Variants in CNTN4 observed in about 807,000 individuals in gnomAD.
CNTN4 encodes the protein contactin 4, also known as contactin-4.
In CNTN4, 77 loss-of-function variants were observed where a neutral mutation model predicts 122.5. The ratio of observed to expected loss-of-function variants is 0.63; its 90% CI spans 0.52 to 0.76. CNTN4 has a LOEUF of 0.76. Ranked by LOEUF, CNTN4 falls within the 30% of genes least tolerant of loss-of-function variation. The probability of loss-of-function intolerance (pLI) is 0.00; values close to 1 mark genes in which losing one functional copy is unlikely to be tolerated. For missense variants in CNTN4, 1,256 were observed against 1,259.1 expected (o/e 1.00, Z 0.04); for synonymous variants, 512 against 447.0 (o/e 1.15, Z -1.83).
At position 2,614,743 on chromosome 3, in the gene CNTN4, G is replaced by A. The variant is rs574318785; in HGVS notation, c.55+43185G>A. Reference sequence around the variant, plus strand: ...TTTGTTTTGGTCCTATTGAAATAGAGATGCCTGTCAGACATCCTTGTAGAG... The same window carrying A: ...TTTGTTTTGGTCCTATTGAAATAGAAATGCCTGTCAGACATCCTTGTAGAG... On this transcript the variant is annotated intron_variant, in intron 4 of 24. Transcript: ENST00000418658. Among the ~76,000 whole-genome samples the A allele has an allele frequency of 1.1e-4, 17 of 152,230 alleles. No individual in the cohort carries two copies. In the South Asian group the frequency reaches 3.5e-3, roughly 32 times the overall value.
chr3:2,443,485 T>A (rs190006513), intron 3 of CNTN4, among the ~76,000 whole-genome samples: 1 of 152,334 alleles, frequency 6.6e-6, no homozygotes, highest in East Asian at 1.9e-4. Flanking sequence ...GCCCTTTTAT[T>A]AGTTTCTTAG....
At chr3:2,327,944 A>C (rs1334117580) in intron 2 of CNTN4, among the ~76,000 whole-genome samples, 1 of 152,212 alleles carries the variant, frequency 6.6e-6, no homozygotes, top group African/African-American at 2.4e-5. Context: ...TCCCCACTGA[A>C]GTAGGTCATA....
At chr3:2,286,060 CAGTT>C (rs1169788547) in intron 2 of CNTN4, among the ~76,000 whole-genome samples, 2 of 152,052 alleles carry the variant, frequency 1.3e-5, no homozygotes. Flanking sequence ...CTATCATCCT[CAGTT>C]AGGTACATCC....
At chr3:2,842,805 T>A (rs1042581555) in intron 7 of CNTN4, among the ~76,000 whole-genome samples, 10 of 152,224 alleles carry the variant, frequency 6.6e-5, no homozygotes, top group Non-Finnish European at 1.3e-4. Flanking sequence ...ATAACTCTCT[T>A]GGTACCCCCT....
chr3:2,208,291 G>A (rs1051864242), intron 2 of CNTN4, among the ~76,000 whole-genome samples: 4 of 152,076 alleles, frequency 2.6e-5, no homozygotes, highest in African/African-American at 4.8e-5. Context: ...TATTCTGACC[G>A]TCGTGGATGA....
intron 2 of CNTN4, among the ~76,000 whole-genome samples, chr3:2,272,825 T>G (rs948176529): frequency 6.6e-6 from 1 of 151,882 alleles, no homozygotes; most frequent in Non-Finnish European, 1.5e-5. Context: ...TTTTTTTATT[T>G]AACCACTCTC....
In CNTN4 at chr3:2,221,585, C is replaced by T. The variant is rs893682224; in HGVS notation, c.-144-117593C>T. Among the ~76,000 whole-genome samples the T allele has an allele frequency of 3.3e-5, 5 of 151,198 alleles. No individual in the cohort carries two copies. The East Asian group carries it at 9.7e-4, about 29-fold the overall frequency. On this transcript the variant is annotated intron_variant, in intron 2 of 24. Coordinates refer to ENST00000418658, the MANE Select transcript of CNTN4 (RefSeq NM_175607.3). The stretch of plus-strand genomic sequence containing the variant: ...AATTAAAAAAAATTTCCTTCAAAGG[C>T]TGCCATTAAAGAAATAAAAGACATC...
At chr3:2,130,431 A>G (rs1216097311) in intron 2 of CNTN4, among the ~76,000 whole-genome samples, 2 of 152,230 alleles carry the variant, frequency 1.3e-5, no homozygotes, top group Non-Finnish European at 2.9e-5. Context: ...ACCTACAAGT[A>G]TAAAACCAAT....
chr3:2,363,144 C>T (rs570418567), intron 3 of CNTN4, among the ~76,000 whole-genome samples: 2 of 152,282 alleles, frequency 1.3e-5, no homozygotes, highest in East Asian at 1.9e-4. Context: ...TATCTTCATA[C>T]TGCACCTCTC....
chr3:2,353,958 A>T (rs993801159), intron 3 of CNTN4, among the ~76,000 whole-genome samples: 1 of 152,194 alleles, frequency 6.6e-6, no homozygotes, highest in Non-Finnish European at 1.5e-5. Flanking sequence ...TCACTTGATG[A>T]CAATGATGAC....
At chr3:2,249,525 G>C (rs1429235024) in intron 2 of CNTN4, among the ~76,000 whole-genome samples, 1 of 151,918 alleles carries the variant, frequency 6.6e-6, no homozygotes, top group Non-Finnish European at 1.5e-5. Context: ...AGAATGGGTA[G>C]GGTTTGGGCC....
At chr3:2,562,147 CTAA>C in intron 3 of CNTN4, among the ~76,000 whole-genome samples, 1 of 152,292 alleles carries the variant, frequency 6.6e-6, no homozygotes, top group South Asian at 2.1e-4. Flanking sequence ...GCCTGCTGTT[CTAA>C]TAATAAGGCT....
intron 13 of CNTN4, among the ~76,000 whole-genome samples, chr3:2,981,704 C>A (rs1694035260): frequency 6.6e-6 from 1 of 152,090 alleles, no homozygotes; most frequent in Non-Finnish European, 1.5e-5. Context: ...ATTTGTACCC[C>A]AAGGCCGAAT....
intron 2 of CNTN4, among the ~76,000 whole-genome samples, chr3:2,179,488 G>A (rs1038459559): frequency 2.0e-5 from 3 of 151,948 alleles, no homozygotes; most frequent in Admixed American, 2.0e-4. Flanking sequence ...CGCTTTCCCT[G>A]TAGTAGCTAT....
At position 2,299,074 on chromosome 3, in the gene CNTN4, A is replaced by G. The variant is rs573877599; in HGVS notation, c.-144-40104A>G. ...GTTTCAGTGGCTGAGATTAAACAGC[A>G]TTCTGACTTGTACACAGACAAGTAA... On this transcript the variant is annotated intron_variant, in intron 2 of 24. Transcript: ENST00000418658. Among the ~76,000 whole-genome samples, 464 of 152,266 alleles carry G rather than the reference A, an allele frequency of 3.0e-3. 1 individual carries two copies. Among genetic ancestry groups the G allele is most frequent in the African/African-American group, 0.01 (433 of 41,548 alleles).
rs576765455 is a variant in CNTN4, at chr3:2,167,077, AATAT to A, written c.-145+66443_-145+66446del. ...TAGATGTAATAAAAATAAATTTAAA[AATAT>A]ATATGCAAGTTACAATTAAAGTAGG... On this transcript the variant is annotated intron_variant, in intron 2 of 24. Coordinates refer to ENST00000418658, the MANE Select transcript of CNTN4 (RefSeq NM_175607.3). Among the ~76,000 whole-genome samples, 346 of 152,274 alleles carry A rather than the reference AATAT, an allele frequency of 2.3e-3. 1 individual carries two copies. The highest frequency in any genetic ancestry group is 8.0e-3 in the African/African-American group (331 of 41,566).
At chr3:2,984,178 G>T (rs1694332503) in intron 13 of CNTN4, among the ~76,000 whole-genome samples, 1 of 152,028 alleles carries the variant, frequency 6.6e-6, no homozygotes, top group Admixed American at 6.6e-5. Context: ...ACTGTGAAAA[G>T]CTAGCTGGCT....
At chr3:2,627,647 C>G (rs1214741677) in intron 4 of CNTN4, among the ~76,000 whole-genome samples, 2 of 152,058 alleles carry the variant, frequency 1.3e-5, no homozygotes, top group Non-Finnish European at 2.9e-5. Context: ...GTGCCCGCCA[C>G]CACGCCTGGC....
At chr3:2,951,441 G>T (rs958146430) in intron 13 of CNTN4, among the ~76,000 whole-genome samples, 1 of 152,200 alleles carries the variant, frequency 6.6e-6, no homozygotes, top group African/African-American at 2.4e-5. Flanking sequence ...AGACTGTGAT[G>T]CTTGCTCACA....
Sources: gnomAD v4.1 joint callset for allele counts (sites outside exome capture counted in the v4.1 genomes callset) on GRCh38, gnomAD v4.1.1 for gene constraint, MANE v1.5 for transcripts, NCBI Gene and HGNC (gene_info 2026-07-23, HGNC 2026-07-21) for gene names.